COPG2: variants seen among roughly 807,000 people sequenced by gnomAD.
The protein encoded by COPG2 is coatomer subunit gamma-2.
In COPG2, 37 loss-of-function variants were observed where a neutral mutation model predicts 46.3. That is an observed-to-expected ratio of 0.80 (90% CI 0.61 to 1.05). The LOEUF (loss-of-function observed/expected upper bound fraction) is 1.05, where lower values mean the gene tolerates loss of function less well. Among genes scored for constraint, COPG2 ranks in the 50% least tolerant of loss-of-function variants. The pLI is 0.00. For missense variants in COPG2, 427 were observed against 387.8 expected (o/e 1.10, Z -0.85); for synonymous variants, 159 against 129.7 (o/e 1.23, Z -1.53).
At chr7:130,606,682 A>C (rs1794738754) in intron 9 of COPG2, among the ~76,000 whole-genome samples, 1 of 152,218 alleles carries the variant, frequency 6.6e-6, no homozygotes, top group Non-Finnish European at 1.5e-5. Flanking sequence ...AATTTCACCT[A>C]CGGAGAGCAA....
intron 9 of COPG2, among the ~76,000 whole-genome samples, chr7:130,571,187 A>G (rs782251347): frequency 1.3e-5 from 2 of 152,208 alleles, no homozygotes; most frequent in Non-Finnish European, 2.9e-5. Context: ...AAGCAAAGAT[A>G]AATAGATGGG....
At chr7:130,533,031 AG>A (rs1455306068) in intron 20 of COPG2, among the ~76,000 whole-genome samples, 2 of 152,084 alleles carry the variant, frequency 1.3e-5, no homozygotes, top group Non-Finnish European at 2.9e-5. Context: ...TGGAGAGCAG[AG>A]GGTGAGTTTG....
At chr7:130,532,903 G>A (rs1799842865) in intron 20 of COPG2, among the ~76,000 whole-genome samples, 1 of 152,150 alleles carries the variant, frequency 6.6e-6, no homozygotes. Context: ...TAGGCCAGTG[G>A]CAGAATCACA....
chr7:130,521,253 A>G (rs1455013564), intron 20 of COPG2, among the ~76,000 whole-genome samples: 1 of 152,244 alleles, frequency 6.6e-6, no homozygotes, highest in East Asian at 1.9e-4. Flanking sequence ...TAAGAGAGAC[A>G]GTGTCCAGGA....
intron 9 of COPG2, among the ~76,000 whole-genome samples, chr7:130,566,936 A>G (rs890684474): frequency 1.3e-5 from 2 of 152,218 alleles, no homozygotes; most frequent in African/African-American, 4.8e-5. Flanking sequence ...ATAAAGACAC[A>G]GGCCCTCCTA....
In COPG2 at chr7:130,612,219, T is replaced by C. The variant is rs1554452215; in HGVS notation, c.512A>G (p.Tyr171Cys). 4 of 1,599,144 alleles carry C rather than the reference T, an allele frequency of 2.5e-6. No homozygotes were observed. The South Asian group carries it at 4.5e-5, about 18-fold the overall frequency. Residue 171 changes from tyrosine (Y) to cysteine (C), a missense_variant, in exon 8 of 24, where the codon TAT becomes TGT. By Grantham distance (194) the Tyr-to-Cys change is radical. Transcript: ENST00000425248. ...VSSLHMMKIS[Y>C]DVVKRWINEA... is the part of the protein sequence containing the mutation. ...ATTGATCCAGCGCTTAACCACATCA[T>C]AGCTTATCTTCATCATGTGCTAAAT...
In COPG2 at chr7:130,541,215, A is replaced by C. The variant is rs1799933380; in HGVS notation, c.2149+6459T>G. On this transcript the variant is annotated intron_variant, in intron 20 of 23. Transcript: ENST00000425248. Reference sequence around the variant, plus strand: ...AGGCACCGGGTACCCTGGTGGTGGAACTGGGTTTTCCAATGCCTCGGTCCC... The same window carrying C: ...AGGCACCGGGTACCCTGGTGGTGGACCTGGGTTTTCCAATGCCTCGGTCCC... Among the ~76,000 whole-genome samples, 5 of 152,240 alleles carry C rather than the reference A, an allele frequency of 3.3e-5. No individual in the cohort carries two copies. In the South Asian group the frequency reaches 1.0e-3, roughly 32 times the overall value.
At chr7:130,543,281 T>C (rs1188185842) in intron 20 of COPG2, among the ~76,000 whole-genome samples, 1 of 152,208 alleles carries the variant, frequency 6.6e-6, no homozygotes, top group Non-Finnish European at 1.5e-5. Context: ...GGGGACAGTA[T>C]ACAGTTTAAA....
intron 12 of COPG2, among the ~76,000 whole-genome samples, 160 bp from the exon 13 acceptor site, chr7:130,555,292 A>G (rs1793603827): frequency 1.3e-5 from 2 of 152,248 alleles, no homozygotes; most frequent in Non-Finnish European, 2.9e-5. Flanking sequence ...TAAAATGACA[A>G]TAATTGTTCT....
chr7:130,584,647 C>T (rs1794228288), intron 9 of COPG2, among the ~76,000 whole-genome samples: 1 of 152,030 alleles, frequency 6.6e-6, no homozygotes, highest in African/African-American at 2.4e-5. Flanking sequence ...AAATCAGTAG[C>T]TCTTCTATAC....
chr7:130,568,183 G>A (rs1222639869), intron 9 of COPG2, among the ~76,000 whole-genome samples: 4 of 152,130 alleles, frequency 2.6e-5, no homozygotes, highest in Non-Finnish European at 5.9e-5. Context: ...GCTGACACAG[G>A]AGAATCACTT....
Position 130,638,981 on chromosome 7 carries a change from G to A in COPG2, c.323+13888C>T, listed in dbSNP as rs576650291. Among the ~76,000 whole-genome samples the A allele has an allele frequency of 4.6e-5, 7 of 152,318 alleles. No homozygotes were observed. The East Asian group carries it at 1.2e-3, about 25-fold the overall frequency. ...CTTATAGCTTCCCTTGGCTAGGGGA[G>A]GGAGTTCCCCAACCCCTTGCACTTC... On this transcript the variant is annotated intron_variant, in intron 5 of 23. Transcript: ENST00000425248.
intron 22 of COPG2, 122 bp from the exon 23 acceptor site, chr7:130,507,494 G>A (rs1554440344): frequency 2.1e-5 from 15 of 712,800 alleles, no homozygotes; most frequent in African/African-American, 1.7e-5. Context: ...TGTTGGTGAT[G>A]TGTAGAGGGA....
chr7:130,576,752 C>T (rs993004114), intron 9 of COPG2, among the ~76,000 whole-genome samples: 2 of 151,954 alleles, frequency 1.3e-5, no homozygotes, highest in South Asian at 4.2e-4. Context: ...AAGGAAATAA[C>T]TAAGATCAGA....
chr7:130,533,590 A>C (rs1485877034), intron 20 of COPG2, among the ~76,000 whole-genome samples: 3 of 152,146 alleles, frequency 2.0e-5, no homozygotes, highest in African/African-American at 7.2e-5. Flanking sequence ...GTGTCTCCCT[A>C]GTGGCAGAAC....
intron 5 of COPG2, among the ~76,000 whole-genome samples, chr7:130,648,599 C>T (rs565770048): frequency 3.3e-5 from 5 of 152,126 alleles, no homozygotes; most frequent in Non-Finnish European, 7.4e-5. Context: ...AATACAAGGA[C>T]GGGACTGCCG....
At chr7:130,583,844 C>T (rs543697422) in intron 9 of COPG2, among the ~76,000 whole-genome samples, 1 of 140,972 alleles carries the variant, frequency 7.1e-6, no homozygotes, top group East Asian at 2.1e-4. Flanking sequence ...AAGTCCAGGA[C>T]CAGACTTTTC....
chr7:130,668,576 G>A, intron 1 of COPG2, 56 bp downstream of exon 1: 39 of 1,461,454 alleles, frequency 2.7e-5, no homozygotes, highest in Non-Finnish European at 3.6e-5. Context: ...GGTGGCGGCG[G>A]GCGGGGGAAG....
chr7:130,555,276 G>C (rs1288668132), intron 12 of COPG2, 144 bp from the exon 13 acceptor site: 1 of 380,942 alleles, frequency 2.6e-6, no homozygotes, highest in African/African-American at 2.1e-5. Flanking sequence ...AGATCCTGTA[G>C]TTGCCTAAAA....
Sources: allele counts gnomAD v4.1 joint callset (sites outside exome capture counted in the v4.1 genomes callset), GRCh38; gene constraint gnomAD v4.1.1; transcripts MANE v1.5; gene names NCBI Gene and HGNC (gene_info 2026-07-23, HGNC 2026-07-21).